CCDC85C: variants seen among roughly 807,000 people sequenced by gnomAD.
CCDC85C encodes the protein coiled-coil domain-containing protein 85C.
In CCDC85C, 18 loss-of-function variants were observed where a neutral mutation model predicts 38.3. The observed-to-expected ratio is 0.47, with a 90% CI of 0.33 to 0.70. The LOEUF is 0.70. Among genes scored for constraint, CCDC85C ranks in the 30% least tolerant of loss-of-function variants. CCDC85C has a pLI of 0.03. For synonymous variants in CCDC85C, 264 were observed against 293.8 expected, an observed-to-expected ratio of 0.90 and a Z score of 1.04; for missense variants, 566 against 621.2, an observed-to-expected ratio of 0.91 and a Z score of 0.94.
intron 1 of CCDC85C, among the ~76,000 whole-genome samples, chr14:99,577,928 G>A (rs1401632747): frequency 6.7e-6 from 1 of 150,364 alleles, no homozygotes; most frequent in African/African-American, 2.5e-5. Flanking sequence ...GTGTGTGTGT[G>A]TGTGTGTGTG....
intron 1 of CCDC85C, among the ~76,000 whole-genome samples, chr14:99,552,418 C>G (rs572836417): frequency 1.3e-5 from 2 of 152,354 alleles, no homozygotes; most frequent in South Asian, 2.1e-4. Context: ...CACAGTGCTT[C>G]AGAGAGAGCC....
intron 1 of CCDC85C, among the ~76,000 whole-genome samples, chr14:99,550,391 GC>G (rs1897885191): frequency 6.6e-6 from 1 of 152,334 alleles, no homozygotes; most frequent in Middle Eastern, 3.4e-3. Flanking sequence ...AGACAGGGAA[GC>G]GGGCTCTCCC....
chr14:99,537,927 C>G (rs1897636535), intron 1 of CCDC85C, among the ~76,000 whole-genome samples: 1 of 152,140 alleles, frequency 6.6e-6, no homozygotes, highest in African/African-American at 2.4e-5. Flanking sequence ...ATGTCCTGTA[C>G]CCTACTAACA....
chr14:99,592,015 C>T (rs1347113604), intron 1 of CCDC85C, among the ~76,000 whole-genome samples: 2 of 152,114 alleles, frequency 1.3e-5, no homozygotes, highest in Non-Finnish European at 2.9e-5. Flanking sequence ...ATGACAGGCG[C>T]GAGCCACCAC....
rs1292476924 is a variant in CCDC85C at position 99,558,594 on chromosome 14, C to G, written c.794-22506G>C. Among the ~76,000 whole-genome samples, 1 of 152,126 alleles carries G rather than the reference C, an allele frequency of 6.6e-6. No individual in the cohort carries two copies. Among genetic ancestry groups the G allele is most frequent in the Non-Finnish European group, 1.5e-5 (1 of 68,044 alleles). Reference sequence around the variant, plus strand: ...CAAGATTGTGCCACTGCACTCCAGCCTGGAGATAGAGCGAGACTCTGTCTC... The same window carrying G: ...CAAGATTGTGCCACTGCACTCCAGCGTGGAGATAGAGCGAGACTCTGTCTC... On this transcript the variant is annotated intron_variant, in intron 1 of 5. Transcript: ENST00000380243. This position sits in a 1 kb window ranked among gnomAD's most constrained non-coding sequence, Gnocchi z 4.2.
chr14:99,505,652 TC>T lies in CCDC85C; in HGVS notation c.*9593del, dbSNP rs1896955874. The T allele has an allele frequency of 6.6e-6, 1 of 152,154 alleles. No individual in the cohort carries two copies. Among genetic ancestry groups the T allele is most frequent in the African/African-American group, 2.4e-5 (1 of 41,428 alleles). The allele number at this position is 152,154 out of a possible 1,614,324, so 9.4% of individuals were successfully genotyped here. On this transcript the variant is annotated 3_prime_UTR_variant, in exon 6 of 6. Coordinates refer to ENST00000380243, the MANE Select transcript of CCDC85C (RefSeq NM_001144995.2). ...CAAGGCATGCTTTGAGCCCAGGAGT[TC>T]CAGGCCAGACTGGGCCACATAGGGT...
At chr14:99,578,373 C>A (rs1304787975) in intron 1 of CCDC85C, among the ~76,000 whole-genome samples, 2 of 149,868 alleles carry the variant, frequency 1.3e-5, no homozygotes, top group African/African-American at 5.0e-5. Context: ...TCCTGTATCC[C>A]CCATCGGTGT....
chr14:99,570,349 A>G (rs1275673360), intron 1 of CCDC85C, among the ~76,000 whole-genome samples: 1 of 152,224 alleles, frequency 6.6e-6, no homozygotes, highest in African/African-American at 2.4e-5. Context: ...TGCCAGGCTC[A>G]GAATGGTCAG....
At chr14:99,579,831 C>T (rs1357686256) in intron 1 of CCDC85C, among the ~76,000 whole-genome samples, 4 of 152,254 alleles carry the variant, frequency 2.6e-5, no homozygotes, top group Admixed American at 2.0e-4. Flanking sequence ...GGGATCCCAT[C>T]TCACTAATGA....
At chr14:99,596,222 G>A (rs1210978208) in intron 1 of CCDC85C, among the ~76,000 whole-genome samples, 1 of 152,194 alleles carries the variant, frequency 6.6e-6, no homozygotes, top group Non-Finnish European at 1.5e-5. Flanking sequence ...GCTTTTCCAG[G>A]GGCAGAGAGG....
At chr14:99,591,432 GCCACGGCTC>G (rs533740335) in intron 1 of CCDC85C, among the ~76,000 whole-genome samples, 16 of 152,210 alleles carry the variant, frequency 1.1e-4, no homozygotes, top group East Asian at 9.7e-4. Context: ...TGCGGAGGCT[GCCACGGCTC>G]CCACGGCTCC....
chr14:99,589,949 G>A (rs973706412), intron 1 of CCDC85C, among the ~76,000 whole-genome samples: 1 of 152,164 alleles, frequency 6.6e-6, no homozygotes, highest in African/African-American at 2.4e-5. Flanking sequence ...CCCCGGGGAT[G>A]GCTGCTCTCC....
chr14:99,584,041 G>A (rs555216480), intron 1 of CCDC85C, among the ~76,000 whole-genome samples: 7 of 152,082 alleles, frequency 4.6e-5, no homozygotes, highest in African/African-American at 1.7e-4. Context: ...GGAGCCCTTT[G>A]TACTACTTTT....
At chr14:99,563,037 T>G (rs1316274605) in intron 1 of CCDC85C, among the ~76,000 whole-genome samples, 3 of 152,222 alleles carry the variant, frequency 2.0e-5, no homozygotes, top group Non-Finnish European at 4.4e-5. Context: ...ATAATGCCAC[T>G]TAATTACCTA....
At chr14:99,586,730 C>T (rs758311935) in intron 1 of CCDC85C, among the ~76,000 whole-genome samples, 12 of 152,188 alleles carry the variant, frequency 7.9e-5, no homozygotes, top group African/African-American at 2.4e-4. Flanking sequence ...TCTGAGCCAC[C>T]GGAGATGTGG....
At chr14:99,553,240 C>A (rs1897947257) in intron 1 of CCDC85C, among the ~76,000 whole-genome samples, 1 of 152,220 alleles carries the variant, frequency 6.6e-6, no homozygotes, top group Non-Finnish European at 1.5e-5. Flanking sequence ...GGCCAGAGCC[C>A]TGCAGCTCAG....
In CCDC85C at chr14:99,509,645, C is replaced by T. The variant is rs543505446; in HGVS notation, c.*5601G>A. The T allele has an allele frequency of 6.0e-6, 1 of 167,258 alleles. No individual in the cohort carries two copies. Among genetic ancestry groups the T allele is most frequent in the East Asian group, 1.9e-4 (1 of 5,382 alleles). 10.4% of individuals were successfully genotyped at this position (167,258 alleles called of 1,614,324 possible). A position where few individuals can be genotyped will look rare whatever the true frequency, so the allele number is the denominator to read the frequency against. On this transcript the variant is annotated 3_prime_UTR_variant, in exon 6 of 6. Coordinates refer to ENST00000380243, the MANE Select transcript of CCDC85C (RefSeq NM_001144995.2). ...TAGCCTCTCTTGAGTAGAATAGAAC[C>T]TGAATTGCTGCTTCGATGGGTACAC...
At chr14:99,554,252 G>C (rs1173214426) in intron 1 of CCDC85C, among the ~76,000 whole-genome samples, 1 of 151,908 alleles carries the variant, frequency 6.6e-6, no homozygotes, top group Non-Finnish European at 1.5e-5. Context: ...AACCAAGCCC[G>C]GGACTGTGGC....
At chr14:99,524,744 C>G (rs1235128254) in intron 2 of CCDC85C, among the ~76,000 whole-genome samples, 1 of 152,192 alleles carries the variant, frequency 6.6e-6, no homozygotes, top group Non-Finnish European at 1.5e-5. Flanking sequence ...GGAGGGGAAG[C>G]AGGAGCTGAA....
Sources: allele counts gnomAD v4.1 joint callset (sites outside exome capture counted in the v4.1 genomes callset), GRCh38; gene constraint gnomAD v4.1.1; non-coding constraint Gnocchi (gnomAD v3.1); transcripts MANE v1.5; gene names NCBI Gene and HGNC (gene_info 2026-07-23, HGNC 2026-07-21).